The following HIF1A variants were observed in gnomAD, a reference collection of about 807,000 sequenced individuals.
The protein encoded by HIF1A is hypoxia-inducible factor 1-alpha.
Under a neutral mutation model 92.7 loss-of-function variants are expected in HIF1A, and 24 were observed. The observed-to-expected ratio is 0.26, with a 90% CI of 0.19 to 0.36. The LOEUF (loss-of-function observed/expected upper bound fraction) is 0.36. HIF1A is among the 10% of genes least tolerant of loss of function. HIF1A has a pLI of 1.00. For missense variants in HIF1A, 799 were observed against 998.5 expected, an observed-to-expected ratio of 0.80 and a Z score of 2.69; for synonymous variants, 319 against 338.7, an observed-to-expected ratio of 0.94 and a Z score of 0.64.
At chr14:61,716,116 A>G (rs1346799887) in intron 1 of HIF1A, among the ~76,000 whole-genome samples, 4 of 152,202 alleles carry the variant, frequency 2.6e-5, no homozygotes, top group African/African-American at 7.2e-5. Context: ...AGTTAAAATG[A>G]TGAGATATAA....
chr14:61,711,670 A>ACTGCTGGTT (rs796461287), intron 1 of HIF1A, among the ~76,000 whole-genome samples: 5 of 152,226 alleles, frequency 3.3e-5, no homozygotes, highest in African/African-American at 1.2e-4. Context: ...GGAAGATGAC[A>ACTGCTGGTT]CTGCTGGCTC....
intron 6 of HIF1A, 142 bp downstream of exon 6, chr14:61,727,797 C>CA: frequency 4.6e-6 from 3 of 649,074 alleles, no homozygotes; most frequent in Non-Finnish European, 8.2e-6. Context: ...CTGAGGCAAG[C>CA]GGGGGGTGGA....
intron 6 of HIF1A, among the ~76,000 whole-genome samples, chr14:61,731,494 C>T (rs1319197529): frequency 1.3e-5 from 2 of 152,298 alleles, no homozygotes; most frequent in East Asian, 1.9e-4. Context: ...TCTGAAATTA[C>T]TCCCATAATT....
In HIF1A at chr14:61,738,276, C is replaced by T; in HGVS notation, c.1439C>T (p.Pro480Leu). Reference protein sequence around the residue: ...LNQEVALKLEPNPESLELSFT... With the variant: ...LNQEVALKLELNPESLELSFT... ...CAAGAAGTTGCATTAAAATTAGAACCAAATCCAGAGTCACTGGAACTTTCT... is the reference window on the plus strand; with the variant it reads ...CAAGAAGTTGCATTAAAATTAGAACTAAATCCAGAGTCACTGGAACTTTCT... The change falls in exon 10 of 15, where the codon CCA becomes CTA. Residue 480 changes from proline to leucine, a missense_variant. Coordinates refer to ENST00000337138, the MANE Select transcript of HIF1A (RefSeq NM_001530.4). 1 of 1,614,086 alleles carries T rather than the reference C, an allele frequency of 6.2e-7. No homozygotes were observed. The highest frequency in any genetic ancestry group is 8.5e-7 in the Non-Finnish European group (1 of 1,179,978).
Position 61,738,182 on chromosome 14 carries a change from G to C in HIF1A, c.1345G>C (p.Ala449Pro). 1 of 1,613,934 alleles carries C rather than the reference G, an allele frequency of 6.2e-7. No individual in the cohort carries two copies. Among genetic ancestry groups the C allele is most frequent in the South Asian group, 1.1e-5 (1 of 91,078 alleles). The part of the protein sequence containing the change: ...PNEKLQNINL[A>P]MSPLPTAETP... ...CGAAAAATTACAGAATATAAATTTG[G>C]CAATGTCTCCATTACCCACCGCTGA... is the stretch of plus-strand genomic sequence containing the variant. The change falls in exon 10 of 15, where the codon GCA (alanine) becomes CCA (proline). Residue 449 changes from alanine (A) to proline (P), a missense_variant. Transcript: ENST00000337138.
In HIF1A at chr14:61,747,932, G is replaced by A. The variant is rs1350131716; in HGVS notation, c.*847G>A. On this transcript the variant is annotated 3_prime_UTR_variant, in exon 15 of 15. Coordinates refer to ENST00000337138, the MANE Select transcript of HIF1A (RefSeq NM_001530.4). ...TAAACCTAAATGTTCTGCCTACCCT[G>A]TTGGTATAAAGATATTTTGAGCAGA... 1 of 152,224 alleles carries A rather than the reference G, an allele frequency of 6.6e-6. No individual in the cohort carries two copies. Among genetic ancestry groups the A allele is most frequent in the East Asian group, 1.9e-4 (1 of 5,186 alleles). 9.4% of individuals were successfully genotyped at this position (152,224 alleles called of 1,614,324 possible).
In HIF1A at chr14:61,734,326, A is replaced by G. The variant is rs190402318; in HGVS notation, c.1028+41A>G. The G allele has an allele frequency of 2.0e-5, 28 of 1,430,068 alleles. No homozygotes were observed. The African/African-American group carries it at 2.7e-4, about 14-fold the overall frequency. 88.6% of individuals were successfully genotyped at this position (1,430,068 alleles called of 1,614,324 possible). On this transcript the variant is annotated intron_variant, in intron 8 of 14. Coordinates refer to ENST00000337138, the MANE Select transcript of HIF1A (RefSeq NM_001530.4). ...AAATAAACATTTTTGGGGAACAAAT[A>G]GTAATTCTTTTTGGATACTCTGTTC...
Position 61,721,405 on chromosome 14 carries a change from T to G in HIF1A, c.227-104T>G. On this transcript the variant is annotated intron_variant, in intron 2 of 14. Coordinates refer to ENST00000337138, the MANE Select transcript of HIF1A (RefSeq NM_001530.4). ...TCTGTGTTGAAATGGCTGTATATAT[T>G]AAATAAAGTGTCTGCGAGAAAACTT... 3 of 904,134 alleles carry G rather than the reference T, an allele frequency of 3.3e-6. No homozygotes were observed. In the East Asian group the frequency reaches 7.7e-5, roughly 23 times the overall value. 56.0% of individuals were successfully genotyped at this position (904,134 alleles called of 1,614,324 possible).
intron 9 of HIF1A, 66 bp downstream of exon 9, chr14:61,737,175 C>T: frequency 9.4e-7 from 1 of 1,068,598 alleles, no homozygotes; most frequent in Non-Finnish European, 1.4e-6. Flanking sequence ...TTCAACTAAA[C>T]ATTACTTTAC....
rs149282253 is a variant in HIF1A, at chr14:61,738,343, C to T, written c.1506C>T (p.Ser502=). ...PQIQDQTPSP[S]DGSTRQSSPE... is the part of the protein sequence containing the mutation. ...TTCAGGATCAGACACCTAGTCCTTC[C>T]GATGGAAGCACTAGACAAAGTTCAC... Residue 502 remains serine (S), a synonymous_variant, in exon 10 of 15, where the codon TCC becomes TCT. Transcript: ENST00000337138. 2.9e-4 allele frequency: 469 copies of T among 1,611,156 alleles called. No homozygotes were observed. The highest frequency in any genetic ancestry group is 6.8e-4 in the South Asian group (62 of 90,730).
intron 4 of HIF1A, among the ~76,000 whole-genome samples, chr14:61,725,094 A>C (rs190334829): frequency 2.0e-5 from 3 of 151,968 alleles, no homozygotes; most frequent in African/African-American, 7.3e-5. Context: ...CTTCTAACCC[A>C]TCTCTACTTA....
At chr14:61,743,497 T>G (rs1444812119) in intron 12 of HIF1A, among the ~76,000 whole-genome samples, 1 of 152,226 alleles carries the variant, frequency 6.6e-6, no homozygotes, top group East Asian at 1.9e-4. Flanking sequence ...ACAATGATAT[T>G]TACATAATAG....
chr14:61,700,630 C>T (rs898797924), intron 1 of HIF1A, among the ~76,000 whole-genome samples: 1 of 152,190 alleles, frequency 6.6e-6, no homozygotes. Context: ...TTGAAGCTTT[C>T]ACTTTTTTTG....
At position 61,738,284 on chromosome 14, in the gene HIF1A, G is replaced by A; in HGVS notation, c.1447G>A (p.Glu483Lys). 6.2e-7 allele frequency: 1 copy of A among 1,614,072 alleles called. No homozygotes were observed. Among genetic ancestry groups the A allele is most frequent in the Non-Finnish European group, 8.5e-7 (1 of 1,179,992 alleles). Reference sequence around the variant, plus strand: ...TGCATTAAAATTAGAACCAAATCCAGAGTCACTGGAACTTTCTTTTACCAT... The same window carrying A: ...TGCATTAAAATTAGAACCAAATCCAAAGTCACTGGAACTTTCTTTTACCAT... ...EVALKLEPNP[E>K]SLELSFTMPQ... is the part of the protein sequence containing the mutation. The change falls in exon 10 of 15, where the codon GAG (glutamate) becomes AAG (lysine). Residue 483 changes from glutamate (E) to lysine (K), a missense_variant. Transcript: ENST00000337138.
intron 1 of HIF1A, among the ~76,000 whole-genome samples, chr14:61,696,527 G>A (rs1365384760): frequency 6.6e-6 from 1 of 152,198 alleles, no homozygotes; most frequent in East Asian, 1.9e-4. Flanking sequence ...TGAAAAACTT[G>A]CCTAGACTGA....
rs5809118 is a variant in HIF1A at position 61,722,086 on chromosome 14, CTT to C, written c.457+279_457+280del. The stretch of plus-strand genomic sequence containing the variant: ...TCATGACCAAGAGAGTTACAAATAA[CTT>C]TTTTTTTTTTTTTTTAAGATGGGGT... On this transcript the variant is annotated intron_variant, in intron 4 of 14. Transcript: ENST00000337138. 6.4e-3 allele frequency among the ~76,000 whole-genome samples: 917 copies of C among 143,368 alleles called. 1 individual carries two copies. The highest frequency in any genetic ancestry group is 0.012 in the East Asian group (60 of 4,948). 94.1% of individuals were successfully genotyped at this position (143,368 alleles called of 152,430 possible).
chr14:61,723,818 G>A (rs772087701), intron 4 of HIF1A, among the ~76,000 whole-genome samples: 6 of 152,048 alleles, frequency 3.9e-5, no homozygotes, highest in Admixed American at 6.6e-5. Flanking sequence ...TGTATGTTTC[G>A]AACCAAATGT....
At chr14:61,700,137 TTTGA>T (rs1201259421) in intron 1 of HIF1A, among the ~76,000 whole-genome samples, 4 of 152,152 alleles carry the variant, frequency 2.6e-5, no homozygotes, top group Non-Finnish European at 4.4e-5. Context: ...TCTTATAGCT[TTTGA>T]TTGTTTTTTA....
At chr14:61,711,207 C>CTTTTTTTTT (rs10615564) in intron 1 of HIF1A, among the ~76,000 whole-genome samples, 3 of 86,124 alleles carry the variant, frequency 3.5e-5, no homozygotes, top group Non-Finnish European at 4.5e-5. Context: ...TTAAGTATTC[C>CTTTTTTTTT]TTTTTTTTTT....
Sources: gnomAD v4.1 joint callset for allele counts (sites outside exome capture counted in the v4.1 genomes callset) on GRCh38, gnomAD v4.1.1 for gene constraint, MANE v1.5 for transcripts, NCBI Gene and HGNC (gene_info 2026-07-23, HGNC 2026-07-21) for gene names.